The following TSHZ2 variants were observed in gnomAD, a reference collection of about 807,000 sequenced individuals.
TSHZ2 encodes teashirt homolog 2.
Under a neutral mutation model 74.4 loss-of-function variants are expected in TSHZ2, and 21 were observed. The ratio of observed to expected loss-of-function variants is 0.28; its 90% CI spans 0.20 to 0.41. The LOEUF (loss-of-function observed/expected upper bound fraction) is 0.41, where lower values mean the gene tolerates loss of function less well. Ranked by LOEUF, TSHZ2 falls within the 10% of genes least tolerant of loss-of-function variation. The probability of loss-of-function intolerance (pLI) is 1.00; values close to 1 mark genes in which losing one functional copy is unlikely to be tolerated. For synonymous variants in TSHZ2, 540 were observed against 515.3 expected (o/e 1.05, Z -0.65); for missense variants, 1,244 against 1,293.5 (o/e 0.96, Z 0.59).
At chr20:53,326,021 T>A (rs761616669) in intron 2 of TSHZ2, among the ~76,000 whole-genome samples, 1 of 152,108 alleles carries the variant, frequency 6.6e-6, no homozygotes, top group Non-Finnish European at 1.5e-5. Context: ...GACCTCGTGA[T>A]TCCCCCCTCC....
At chr20:53,058,266 G>C (rs887493867) in intron 1 of TSHZ2, among the ~76,000 whole-genome samples, 1 of 152,200 alleles carries the variant, frequency 6.6e-6, no homozygotes, top group African/African-American at 2.4e-5. Context: ...TAGCCCCAGA[G>C]TTGGGGACCT....
chr20:53,185,511 G>A (rs539896024), intron 1 of TSHZ2: 3 of 1,381,626 alleles, frequency 2.2e-6, no homozygotes, highest in Admixed American at 4.6e-5. Context: ...AACCTCAGGA[G>A]GCTGAGGCAG....
chr20:53,019,092 A>G (rs1391772778), intron 1 of TSHZ2, among the ~76,000 whole-genome samples: 2 of 152,166 alleles, frequency 1.3e-5, no homozygotes, highest in Non-Finnish European at 2.9e-5. Context: ...TATTTGTGTA[A>G]TTGTAAGCAA....
At chr20:53,278,759 A>G (rs1990993998) in intron 2 of TSHZ2, among the ~76,000 whole-genome samples, 2 of 152,158 alleles carry the variant, frequency 1.3e-5, no homozygotes, top group South Asian at 2.1e-4. Context: ...GGAGTCATCA[A>G]TTTCTTTCTA....
At chr20:53,079,721 C>A (rs186483004) in intron 1 of TSHZ2, among the ~76,000 whole-genome samples, 2 of 152,206 alleles carry the variant, frequency 1.3e-5, no homozygotes, top group Admixed American at 1.3e-4. Flanking sequence ...GCTGACTGTG[C>A]CCTCTATCAC....
At chr20:53,017,642 A>T (rs1056616246) in intron 1 of TSHZ2, among the ~76,000 whole-genome samples, 3 of 152,180 alleles carry the variant, frequency 2.0e-5, no homozygotes, top group Non-Finnish European at 4.4e-5. Context: ...AGGTTTGAAA[A>T]TTTGAATCTT....
At chr20:53,398,627 C>G (rs999412006) in intron 2 of TSHZ2, 5 of 152,160 alleles carry the variant, frequency 3.3e-5, no homozygotes, top group African/African-American at 1.2e-4. Context: ...ATGGTGCATG[C>G]CTGTAGTCCC....
chr20:53,332,357 G>A (rs991175673), intron 2 of TSHZ2, among the ~76,000 whole-genome samples: 1 of 152,188 alleles, frequency 6.6e-6, no homozygotes, highest in African/African-American at 2.4e-5. Context: ...AAAGGCAACA[G>A]CATGTTCAAA....
chr20:53,441,707 G>A (rs562135711), intron 2 of TSHZ2, among the ~76,000 whole-genome samples: 9 of 147,992 alleles, frequency 6.1e-5, no homozygotes, highest in East Asian at 2.0e-4. Context: ...CTCAGCCTCC[G>A]AGTAGCTGGG....
At chr20:53,016,809 G>A (rs559414723) in intron 1 of TSHZ2, among the ~76,000 whole-genome samples, 1 of 152,248 alleles carries the variant, frequency 6.6e-6, no homozygotes, top group East Asian at 1.9e-4. Context: ...AGTTGAGGGT[G>A]GTGGGCTCCA....
chr20:53,092,637 T>C lies in TSHZ2; in HGVS notation c.40+119304T>C, dbSNP rs888443781. On this transcript the variant is annotated intron_variant, in intron 1 of 2. Coordinates refer to ENST00000371497, the MANE Select transcript of TSHZ2 (RefSeq NM_173485.6). ...CTCCCAGTTGTAATTTGTATATTGCTGCATCTTTTGAAAAATTATTTTGAA... is the reference window on the plus strand; with the variant it reads ...CTCCCAGTTGTAATTTGTATATTGCCGCATCTTTTGAAAAATTATTTTGAA... Among the ~76,000 whole-genome samples, 3 of 152,364 alleles carry C rather than the reference T, an allele frequency of 2.0e-5. No individual in the cohort carries two copies. In the South Asian group the frequency reaches 6.2e-4, roughly 32 times the overall value.
intron 1 of TSHZ2, among the ~76,000 whole-genome samples, chr20:53,128,974 T>C (rs1446597145): frequency 6.6e-6 from 1 of 152,026 alleles, no homozygotes; most frequent in East Asian, 1.9e-4. Context: ...TAACCCCCTC[T>C]GTTGAGCACT....
intron 2 of TSHZ2, among the ~76,000 whole-genome samples, chr20:53,460,846 C>CAGTT (rs1985331397): frequency 6.6e-6 from 1 of 152,218 alleles, no homozygotes; most frequent in Non-Finnish European, 1.5e-5. Context: ...GGGTGCCTCC[C>CAGTT]AGTTAGGCTG....
At chr20:53,287,764 G>T (rs993176263) in intron 2 of TSHZ2, among the ~76,000 whole-genome samples, 10 of 152,144 alleles carry the variant, frequency 6.6e-5, no homozygotes, top group Middle Eastern at 6.3e-3. Context: ...AAAAATCATG[G>T]TAGATGAAAG....
At chr20:53,399,962 G>A (rs1213465905) in intron 2 of TSHZ2, 5 of 152,278 alleles carry the variant, frequency 3.3e-5, no homozygotes, top group African/African-American at 9.6e-5. Flanking sequence ...GCCACTCACT[G>A]TAGAGTGCAG....
chr20:53,087,728 A>G (rs1272754293), intron 1 of TSHZ2, among the ~76,000 whole-genome samples: 1 of 152,218 alleles, frequency 6.6e-6, no homozygotes, highest in East Asian at 1.9e-4. Context: ...GAAAAGTAGT[A>G]TGTCTATTGA....
intron 1 of TSHZ2, among the ~76,000 whole-genome samples, chr20:53,064,219 A>C (rs2123175000): frequency 6.6e-6 from 1 of 152,320 alleles, no homozygotes; most frequent in Admixed American, 6.5e-5. Flanking sequence ...AAACATTAGG[A>C]GATCTCTGGC....
chr20:53,340,646 A>G (rs1170026771), intron 2 of TSHZ2, among the ~76,000 whole-genome samples: 1 of 152,222 alleles, frequency 6.6e-6, no homozygotes, highest in Admixed American at 6.5e-5. Context: ...AAGGATCCCC[A>G]TGTAGCCTTC....
chr20:53,391,902 C>T (rs1295302596), intron 2 of TSHZ2, among the ~76,000 whole-genome samples: 3 of 152,092 alleles, frequency 2.0e-5, no homozygotes, highest in Non-Finnish European at 2.9e-5. Context: ...AAGATGGTGC[C>T]ACTGCACTCC....
Sources: allele counts gnomAD v4.1 joint callset (sites outside exome capture counted in the v4.1 genomes callset), GRCh38; gene constraint gnomAD v4.1.1; transcripts MANE v1.5; gene names NCBI Gene and HGNC (gene_info 2026-07-23, HGNC 2026-07-21).